The following PGR variants were observed in gnomAD, a reference collection of about 807,000 sequenced individuals.
PGR encodes the protein nuclear receptor subfamily 3 group C member 3.
In PGR, 25 loss-of-function variants were observed where a neutral mutation model predicts 76.1. The observed-to-expected ratio is 0.33, with a 90% confidence interval of 0.24 to 0.46. The LOEUF (loss-of-function observed/expected upper bound fraction) is 0.46, where lower values mean the gene tolerates loss of function less well. Among genes scored for constraint, PGR ranks in the 20% least tolerant of loss-of-function variants. The pLI, the probability that PGR is intolerant of heterozygous loss-of-function variation, is 1.00. For missense variants in PGR, 1,172 were observed against 1,225.3 expected (o/e 0.96, Z 0.65); for synonymous variants, 579 against 535.0 (o/e 1.08, Z -1.14).
intron 3 of PGR, among the ~76,000 whole-genome samples, chr11:101,089,618 C>T (rs977227578): frequency 6.9e-6 from 1 of 145,908 alleles, no homozygotes; most frequent in Admixed American, 7.0e-5. Flanking sequence ...TATCTGGTAA[C>T]TAGAAAGGGC....
intron 3 of PGR, among the ~76,000 whole-genome samples, chr11:101,075,621 CA>C (rs147940136): frequency 0.081 from 10,083 of 124,472 alleles, 1,062 homozygotes; most frequent in African/African-American, 0.26. Flanking sequence ...AACAAATTTA[CA>C]AAAAAAAAAA....
intron 4 of PGR, among the ~76,000 whole-genome samples, chr11:101,059,842 C>CAAAAAAAAAAAAAAAAAAAAAAAAA (rs781123527): frequency 9.6e-5 from 6 of 62,766 alleles, no homozygotes; most frequent in African/African-American, 1.7e-4. Context: ...GACCCTCTCT[C>CAAAAAAAAAAAAAAAAAAAAAAAAA]AAAAAAAAAA....
chr11:101,124,971 T>C (rs569236632), intron 2 of PGR, among the ~76,000 whole-genome samples: 3 of 152,126 alleles, frequency 2.0e-5, no homozygotes, highest in South Asian at 4.1e-4. Flanking sequence ...TAAAGTGAAA[T>C]TTCCTACTAC....
intron 3 of PGR, among the ~76,000 whole-genome samples, chr11:101,079,075 C>T (rs762878643): frequency 3.6e-4 from 55 of 152,082 alleles, no homozygotes; most frequent in Non-Finnish European, 5.9e-4. Flanking sequence ...AACTGGCTAC[C>T]TATATGCAGA....
At position 101,032,949 on chromosome 11, in the gene PGR, T is replaced by C. The variant is rs758591684; in HGVS notation, c.*6167A>G. 1.6e-4 allele frequency: 29 copies of C among 185,752 alleles called. No homozygotes were observed. Among genetic ancestry groups the C allele is most frequent in the Non-Finnish European group, 2.7e-4 (24 of 87,840 alleles). 11.5% of individuals were successfully genotyped at this position (185,752 alleles called of 1,614,324 possible). On this transcript the variant is annotated 3_prime_UTR_variant, in exon 8 of 8. Coordinates refer to ENST00000325455, the MANE Select transcript of PGR (RefSeq NM_000926.4). ...TAAAGTAAGACTTTTCAACAAAAAA[T>C]AATTAATTTAATGTTTTAGAGAGCC...
chr11:101,041,384 C>T (rs760329929), intron 7 of PGR, among the ~76,000 whole-genome samples: 39 of 152,040 alleles, frequency 2.6e-4, no homozygotes, highest in Non-Finnish European at 5.0e-4. Context: ...AGTAATCCAC[C>T]TCTGGTGTTG....
chr11:101,044,509 G>A (rs1032908508), intron 6 of PGR, among the ~76,000 whole-genome samples: 1 of 152,070 alleles, frequency 6.6e-6, no homozygotes, highest in Non-Finnish European at 1.5e-5. Context: ...CACTTTTAAA[G>A]TCCTTCAAGA....
intron 3 of PGR, among the ~76,000 whole-genome samples, chr11:101,066,818 C>T (rs1450149272): frequency 6.6e-6 from 1 of 152,116 alleles, no homozygotes; most frequent in Non-Finnish European, 1.5e-5. Flanking sequence ...GAAAATATAA[C>T]CCAAATCCAA....
intron 6 of PGR, among the ~76,000 whole-genome samples, chr11:101,047,433 C>T (rs1446069847): frequency 6.6e-6 from 1 of 152,102 alleles, no homozygotes; most frequent in Non-Finnish European, 1.5e-5. Flanking sequence ...CGTAAATATC[C>T]TTTGTTCAAT....
In PGR at chr11:101,128,763, G is replaced by A. The variant is rs1256796821; in HGVS notation, c.308C>T (p.Pro103Leu). The change falls in exon 1 of 8, where the codon CCC (proline) becomes CTC (leucine). Residue 103 changes from proline (P) to leucine (L), a missense_variant. Transcript: ENST00000325455. The part of the protein sequence containing the change: ...TRGAGGSSSS[P>L]PEKDSGLLDS... ...CAGCAGTCCGCTGTCCTTTTCTGGGGGACTAGAACTGCTGCCTCCAGCACC... is the reference window on the plus strand; with the variant it reads ...CAGCAGTCCGCTGTCCTTTTCTGGGAGACTAGAACTGCTGCCTCCAGCACC... The A allele has an allele frequency of 6.2e-7, 1 of 1,613,918 alleles. No homozygotes were observed. The highest frequency in any genetic ancestry group is 1.1e-5 in the South Asian group (1 of 91,082).
chr11:101,040,110 G>A (rs190567793), intron 7 of PGR, among the ~76,000 whole-genome samples: 9 of 151,846 alleles, frequency 5.9e-5, no homozygotes, highest in African/African-American at 1.7e-4. Flanking sequence ...CCATTCTTAC[G>A]ACTTATTTTT....
chr11:101,128,682 CT>C lies in PGR; in HGVS notation c.388del (p.Ser130AlafsTer36). On this transcript the variant is annotated frameshift_variant, in exon 1 of 8. Coordinates refer to ENST00000325455, the MANE Select transcript of PGR (RefSeq NM_000926.4). LOFTEE classifies it high-confidence loss of function. ...APSGPGQSQPSPPACEVTSSW... is the reference protein window; with the variant it reads ...APSGPGQSQPXPPACEVTSSW... ...GCTGGTGACCTCGCAGGCGGGAGGG[CT>C]GGGTTGGCTCTGCCCGGGACCTGAG... 6.2e-7 allele frequency: 1 copy of C among 1,600,972 alleles called. No homozygotes were observed. Among genetic ancestry groups the C allele is most frequent in the Non-Finnish European group, 8.5e-7 (1 of 1,174,644 alleles).
chr11:101,056,404 C>T lies in PGR; in HGVS notation c.2213-4836G>A, dbSNP rs373546036. Among the ~76,000 whole-genome samples the T allele has an allele frequency of 3.9e-4, 59 of 151,868 alleles. 1 individual carries two copies. The highest frequency in any genetic ancestry group is 2.2e-4 in the Non-Finnish European group (15 of 67,956). ...CCCGTAGTCCCAGTGCTTTGGGAGG[C>T]GAGGCAGGAGAGTCACTTGAGGCCA... On this transcript the variant is annotated intron_variant, in intron 4 of 7. Coordinates refer to ENST00000325455, the MANE Select transcript of PGR (RefSeq NM_000926.4).
At chr11:101,072,718 A>AAG (rs1344146024) in intron 3 of PGR, among the ~76,000 whole-genome samples, 1 of 152,066 alleles carries the variant, frequency 6.6e-6, no homozygotes, top group Non-Finnish European at 1.5e-5. Context: ...CAAAGATCAA[A>AAG]AGACAAAGAA....
Position 101,129,362 on chromosome 11 carries a change from A to C in PGR, c.-292T>G. 1 of 382,706 alleles carries C rather than the reference A, an allele frequency of 2.6e-6. No homozygotes were observed. The highest frequency in any genetic ancestry group is 7.9e-5 in the South Asian group (1 of 12,708). The allele number at this position is 382,706 out of a possible 1,614,324, so 23.7% of individuals were successfully genotyped here. On this transcript the variant is annotated 5_prime_UTR_variant, in exon 1 of 8. Transcript: ENST00000325455. Reference sequence around the variant, plus strand: ...AATTGTTAGGAGATCTCGTCTCCTAACTCGGGGAGTTCTCCAAGAGAGTTC... The same window carrying C: ...AATTGTTAGGAGATCTCGTCTCCTACCTCGGGGAGTTCTCCAAGAGAGTTC...
rs1242657976 is a variant in PGR, at chr11:101,037,646, A to C, written c.*1470T>G. On this transcript the variant is annotated 3_prime_UTR_variant, in exon 8 of 8. Coordinates refer to ENST00000325455, the MANE Select transcript of PGR (RefSeq NM_000926.4). The stretch of plus-strand genomic sequence containing the variant: ...ATACACTTCTATTCTTCTATGTTAT[A>C]GTCAGTAAAGGGAGAGATCTCACAA... 4.4e-6 allele frequency: 1 copy of C among 225,930 alleles called. No individual in the cohort carries two copies. Among genetic ancestry groups the C allele is most frequent in the African/African-American group, 2.2e-5 (1 of 44,928 alleles). 14.0% of individuals were successfully genotyped at this position (225,930 alleles called of 1,614,324 possible). A position where few individuals can be genotyped will look rare whatever the true frequency, so the allele number is the denominator to read the frequency against.
At chr11:101,115,043 G>A (rs1862458834) in intron 2 of PGR, among the ~76,000 whole-genome samples, 1 of 151,954 alleles carries the variant, frequency 6.6e-6, no homozygotes, top group South Asian at 2.1e-4. Context: ...TTTTGGGGGT[G>A]GGAATAAGGG....
intron 3 of PGR, among the ~76,000 whole-genome samples, chr11:101,065,076 AT>A (rs1555052180): frequency 6.6e-6 from 1 of 152,186 alleles, no homozygotes; most frequent in Non-Finnish European, 1.5e-5. Context: ...TTCATGACAC[AT>A]TTCTCAAAAT....
intron 3 of PGR, 119 bp from the exon 4 acceptor site, chr11:101,062,871 G>GAAATA (rs386374671): frequency 3.0e-6 from 2 of 671,150 alleles, no homozygotes; most frequent in East Asian, 2.8e-5. Flanking sequence ...TCAATCGAAT[G>GAAATA]AAATAGAATA....
Sources: allele counts gnomAD v4.1 joint callset (sites outside exome capture counted in the v4.1 genomes callset), GRCh38; gene constraint gnomAD v4.1.1; transcripts MANE v1.5; gene names NCBI Gene and HGNC (gene_info 2026-07-23, HGNC 2026-07-21).